Variants in OTULIN observed in about 807,000 individuals in gnomAD.
OTULIN encodes the protein ubiquitin thioesterase otulin.
In OTULIN, 15 loss-of-function variants were observed where a neutral mutation model predicts 39.6. The observed-to-expected ratio is 0.38, with a 90% CI of 0.25 to 0.58. The LOEUF is 0.58. OTULIN is among the 20% of genes least tolerant of loss of function. The pLI is 0.66. For missense variants in OTULIN, 319 were observed against 445.9 expected, an observed-to-expected ratio of 0.72 and a Z score of 2.56; for synonymous variants, 156 against 170.3, an observed-to-expected ratio of 0.92 and a Z score of 0.65.
downstream of OTULIN, among the ~76,000 whole-genome samples, chr5:14,703,821 T>C (rs1453803056): frequency 6.6e-6 from 1 of 151,718 alleles, no homozygotes; most frequent in Non-Finnish European, 1.5e-5. Flanking sequence ...GTGTTAGAGG[T>C]AGTAAGAGAG....
intron 1 of OTULIN, among the ~76,000 whole-genome samples, chr5:14,667,625 G>A (rs1246226329): frequency 2.0e-5 from 3 of 152,160 alleles, no homozygotes; most frequent in Admixed American, 6.5e-5. Context: ...TCCTCTTGCC[G>A]CAGCTTCCTG....
chr5:14,713,080 C>T, the OTULIN span: 1 of 1,088,750 alleles, frequency 9.2e-7, no homozygotes, highest in Non-Finnish European at 1.4e-6. This position sits in a 1 kb window ranked among gnomAD's most constrained non-coding sequence, Gnocchi z 4.4. Context: ...CGGCTGAGAC[C>T]AGCGGCGTTC....
chr5:14,711,101 A>G, the OTULIN span: 6 of 1,160,592 alleles, frequency 5.2e-6, no homozygotes, highest in Admixed American at 1.7e-5. Flanking sequence ...AAACAAAACA[A>G]AAAAAAGGGA....
chr5:14,681,777 A>C (rs894705399), intron 4 of OTULIN, among the ~76,000 whole-genome samples, 170 bp downstream of exon 4: 2 of 152,240 alleles, frequency 1.3e-5, no homozygotes, highest in African/African-American at 4.8e-5. Context: ...AATGACCAAA[A>C]ATAATTGGTG....
intron 1 of OTULIN, among the ~76,000 whole-genome samples, chr5:14,671,647 A>G (rs1370998260): frequency 1.3e-5 from 2 of 152,344 alleles, no homozygotes; most frequent in East Asian, 3.9e-4. Context: ...TAAGGATGAC[A>G]TCACACTTTT....
At chr5:14,715,383 G>A in the OTULIN span, among the ~76,000 whole-genome samples, 1 of 152,120 alleles carries the variant, frequency 6.6e-6, no homozygotes, top group African/African-American at 2.4e-5. Flanking sequence ...CACCTGCCTC[G>A]GACTACCAAA....
the OTULIN span, chr5:14,705,910 GTAATGTTCCCC>G: frequency 2.3e-4 from 35 of 151,712 alleles, no homozygotes; most frequent in African/African-American, 8.0e-4. Flanking sequence ...CTACCCGGTT[GTAATGTTCCCC>G]TAATGTTCCC....
chr5:14,709,935 C>T, the OTULIN span: 2 of 152,192 alleles, frequency 1.3e-5, no homozygotes, highest in Admixed American at 6.5e-5. Flanking sequence ...TTTTTAGGTT[C>T]TTTCAGTCTA....
the OTULIN span, among the ~76,000 whole-genome samples, chr5:14,712,128 A>ATCTC: frequency 6.6e-6 from 1 of 152,002 alleles, no homozygotes; most frequent in African/African-American, 2.4e-5. Context: ...TGAGGTTCAG[A>ATCTC]TCTCTACCAT....
At chr5:14,679,232 G>A (rs1736184180) in intron 3 of OTULIN, among the ~76,000 whole-genome samples, 1 of 152,154 alleles carries the variant, frequency 6.6e-6, no homozygotes, top group South Asian at 2.1e-4. Flanking sequence ...ATCAGGAACT[G>A]CTCCCTTCAA....
In OTULIN at chr5:14,692,234, C is replaced by G. The variant is rs77069043; in HGVS notation, c.865-620C>G. ...TTTCACCATATCTTCACCAACACTT[C>G]TGACTTTTTGTATTGGGGTGAAGTT... On this transcript the variant is annotated intron_variant, in intron 6 of 6. Coordinates refer to ENST00000284274, the MANE Select transcript of OTULIN (RefSeq NM_138348.6). Among the ~76,000 whole-genome samples, 878 of 152,350 alleles carry G rather than the reference C, an allele frequency of 5.8e-3. 3 individuals carry two copies. The highest frequency in any genetic ancestry group is 0.02 in the African/African-American group (818 of 41,588).
At chr5:14,710,750 A>G in the OTULIN span, 1 of 198,368 alleles carries the variant, frequency 5.0e-6, no homozygotes. Context: ...ACTGGGAAGC[A>G]AATCAAAGGA....
the OTULIN span, chr5:14,708,779 C>G: frequency 1.3e-5 from 2 of 152,198 alleles, no homozygotes; most frequent in Non-Finnish European, 2.9e-5. Context: ...CTCAGAAACT[C>G]TAACCAAATA....
Position 14,697,204 on chromosome 5 carries a change from G to C in OTULIN, c.*4156G>C, listed in dbSNP as rs984446933. The C allele has an allele frequency of 2.6e-5, 4 of 152,194 alleles. No homozygotes were observed. The highest frequency in any genetic ancestry group is 9.7e-5 in the African/African-American group (4 of 41,416). 9.4% of individuals were successfully genotyped at this position (152,194 alleles called of 1,614,324 possible). ...TGTATTATATATTTTTTGAGATGGG[G>C]TCTTGCTCTGTTGCCCAGGCTGGAG... On this transcript the variant is annotated 3_prime_UTR_variant, in exon 7 of 7. Transcript: ENST00000284274.
intron 4 of OTULIN, among the ~76,000 whole-genome samples, chr5:14,685,330 A>G (rs1228658701): frequency 6.6e-6 from 1 of 152,236 alleles, no homozygotes; most frequent in Non-Finnish European, 1.5e-5. Flanking sequence ...CACCTAAGCT[A>G]ATTACCTACT....
rs1270398068 is a variant in OTULIN at position 14,699,731 on chromosome 5, A to C, written c.*6683A>C. The C allele has an allele frequency of 1.3e-5, 2 of 152,192 alleles. No individual in the cohort carries two copies. The highest frequency in any genetic ancestry group is 2.9e-5 in the Non-Finnish European group (2 of 68,036). The allele number at this position is 152,192 out of a possible 1,614,324, so 9.4% of individuals were successfully genotyped here. On this transcript the variant is annotated 3_prime_UTR_variant, in exon 7 of 7. Transcript: ENST00000284274. Reference sequence around the variant, plus strand: ...AGCTGCATTATGTGTGTTTAGAACGAGAAGTTGTTTGTACAGTATTTTTCT... The same window carrying C: ...AGCTGCATTATGTGTGTTTAGAACGCGAAGTTGTTTGTACAGTATTTTTCT...
intron 5 of OTULIN, among the ~76,000 whole-genome samples, chr5:14,688,151 C>T (rs1427906855): frequency 1.3e-5 from 2 of 152,138 alleles, no homozygotes; most frequent in Non-Finnish European, 2.9e-5. Context: ...AGAACTTGGT[C>T]TTCTGATTCC....
chr5:14,667,925 C>G (rs1735891157), intron 1 of OTULIN, among the ~76,000 whole-genome samples: 1 of 152,226 alleles, frequency 6.6e-6, no homozygotes, highest in Non-Finnish European at 1.5e-5. Context: ...CCCCCAATAT[C>G]TGACTCCTGC....
In OTULIN at chr5:14,696,429, C is replaced by G. The variant is rs1014892367; in HGVS notation, c.*3381C>G. On this transcript the variant is annotated 3_prime_UTR_variant, in exon 7 of 7. Coordinates refer to ENST00000284274, the MANE Select transcript of OTULIN (RefSeq NM_138348.6). The stretch of plus-strand genomic sequence containing the variant: ...TTGTAGACATGCAGTAAAAGAAATG[C>G]ATTTATGTAAGATCTGTGAGTACTT... The G allele has an allele frequency of 2.4e-4, 37 of 152,156 alleles. No individual in the cohort carries two copies. The highest frequency in any genetic ancestry group is 8.7e-4 in the African/African-American group (36 of 41,428). 9.4% of individuals were successfully genotyped at this position (152,156 alleles called of 1,614,324 possible).
Sources: gnomAD v4.1 joint callset for allele counts (sites outside exome capture counted in the v4.1 genomes callset) on GRCh38, gnomAD v4.1.1 for gene constraint, Gnocchi (gnomAD v3.1) non-coding constraint, MANE v1.5 for transcripts, NCBI Gene and HGNC (gene_info 2026-07-23, HGNC 2026-07-21) for gene names.